ACER2: variants seen among roughly 807,000 people sequenced by gnomAD.
ACER2 encodes the protein alkaline ceramidase 2, also known as alkCDase 2.
In ACER2, 26 loss-of-function variants were observed where a neutral mutation model predicts 34.7. That is an observed-to-expected ratio of 0.75 (90% CI 0.55 to 1.04). The LOEUF is 1.04. ACER2 is among the 50% of genes least tolerant of loss of function. The pLI is 0.00. For missense variants in ACER2, 352 were observed against 340.8 expected (o/e 1.03, Z -0.26); for synonymous variants, 138 against 132.1 (o/e 1.04, Z -0.31).
At chr9:19,418,795 T>C (rs917933272) in intron 1 of ACER2, among the ~76,000 whole-genome samples, 4 of 152,124 alleles carry the variant, frequency 2.6e-5, no homozygotes, top group Non-Finnish European at 5.9e-5. Context: ...TATAGCTATG[T>C]AACAAACCTG....
intron 4 of ACER2, among the ~76,000 whole-genome samples, chr9:19,442,157 G>A (rs924880886): frequency 3.3e-5 from 5 of 152,100 alleles, no homozygotes; most frequent in East Asian, 3.8e-4. Flanking sequence ...GTACATTGCC[G>A]AGTAACTCAG....
chr9:19,426,320 CTTTT>C (rs200733418), intron 3 of ACER2, among the ~76,000 whole-genome samples: 4 of 140,900 alleles, frequency 2.8e-5, no homozygotes, highest in African/African-American at 1.1e-4. Flanking sequence ...TTCTTTCTTT[CTTTT>C]TCTTTCTTTC....
intron 3 of ACER2, among the ~76,000 whole-genome samples, chr9:19,427,778 T>C (rs886242027): frequency 6.6e-6 from 1 of 152,082 alleles, no homozygotes; most frequent in African/African-American, 2.4e-5. Context: ...GCCATTCTCC[T>C]GCCTCAGCCT....
In ACER2 at chr9:19,419,305, T is replaced by C. The variant is rs182280924; in HGVS notation, c.109-4557T>C. 1.1e-4 allele frequency among the ~76,000 whole-genome samples: 17 copies of C among 152,352 alleles called. 1 individual carries two copies. The East Asian group carries it at 1.9e-3, about 17-fold the overall frequency. Reference sequence around the variant, plus strand: ...GAAAATTGACCACATTTCTTTTCTTTTTCTTTTTTTCTTTTCATTGATCTA... The same window carrying C: ...GAAAATTGACCACATTTCTTTTCTTCTTCTTTTTTTCTTTTCATTGATCTA... On this transcript the variant is annotated intron_variant, in intron 1 of 5. Transcript: ENST00000340967.
chr9:19,430,215 C>T (rs1264038854), intron 3 of ACER2, among the ~76,000 whole-genome samples: 1 of 144,064 alleles, frequency 6.9e-6, no homozygotes, highest in Non-Finnish European at 1.5e-5. Context: ...AGGCTATAGG[C>T]TTGAAAACCA....
chr9:19,441,239 T>C (rs914473300), intron 4 of ACER2, among the ~76,000 whole-genome samples: 32 of 152,112 alleles, frequency 2.1e-4, no homozygotes, highest in Middle Eastern at 3.4e-3. Context: ...TTAGTAGAGA[T>C]GGGGTTTCAC....
chr9:19,409,156 C>T lies in ACER2; in HGVS notation c.72C>T (p.Tyr24=), dbSNP rs554276695. The T allele has an allele frequency of 6.2e-7, 1 of 1,606,096 alleles. No individual in the cohort carries two copies. The highest frequency in any genetic ancestry group is 8.5e-7 in the Non-Finnish European group (1 of 1,176,832). ...SSEVDWCEDN[Y]TIVPAIAEFY... is the part of the protein sequence containing the mutation. The stretch of plus-strand genomic sequence containing the variant: ...AGGTGGACTGGTGCGAGGACAACTA[C>T]ACCATCGTGCCTGCTATCGCCGAGT... The change falls in exon 1 of 6, where the codon TAC becomes TAT. Residue 24 remains tyrosine (Y), a synonymous_variant. Coordinates refer to ENST00000340967, the MANE Select transcript of ACER2 (RefSeq NM_001010887.3).
chr9:19,439,584 C>G (rs1261724248), intron 4 of ACER2, among the ~76,000 whole-genome samples: 1 of 152,194 alleles, frequency 6.6e-6, no homozygotes, highest in Non-Finnish European at 1.5e-5. Context: ...TGAGTCTCTA[C>G]TGCCTTCTCA....
At chr9:19,425,149 C>G (rs925656118) in intron 3 of ACER2, among the ~76,000 whole-genome samples, 4 of 152,312 alleles carry the variant, frequency 2.6e-5, no homozygotes, top group Middle Eastern at 3.4e-3. Context: ...TTACTGAATG[C>G]TTATTCAATA....
intron 3 of ACER2, among the ~76,000 whole-genome samples, chr9:19,425,400 A>C (rs1388481061): frequency 6.6e-6 from 1 of 152,224 alleles, no homozygotes; most frequent in Admixed American, 6.5e-5. Context: ...GAATTTCAGG[A>C]AGGGATGCAT....
chr9:19,438,453 C>T lies in ACER2; in HGVS notation c.503+3369C>T, dbSNP rs756343177. Reference sequence around the variant, plus strand: ...GATGTTAGTTGAAGTGACTTCTCTGCCGTGTTTGTGGACCTGGAGGGACTG... The same window carrying T: ...GATGTTAGTTGAAGTGACTTCTCTGTCGTGTTTGTGGACCTGGAGGGACTG... On this transcript the variant is annotated intron_variant, in intron 4 of 5. Coordinates refer to ENST00000340967, the MANE Select transcript of ACER2 (RefSeq NM_001010887.3). 2.7e-4 allele frequency among the ~76,000 whole-genome samples: 41 copies of T among 152,234 alleles called. 1 individual carries two copies. The highest frequency in any genetic ancestry group is 5.9e-5 in the Non-Finnish European group (4 of 68,038).
rs1027224751 is a variant in ACER2, at chr9:19,424,907, A to G, written c.365+66A>G. 4.2e-5 allele frequency: 66 copies of G among 1,579,068 alleles called. 1 individual carries two copies. The Middle Eastern group carries it at 8.4e-4, about 20-fold the overall frequency. On this transcript the variant is annotated intron_variant, in intron 3 of 5. Coordinates refer to ENST00000340967, the MANE Select transcript of ACER2 (RefSeq NM_001010887.3). ...CAGTACCCAATATAACAATGTATATATGAAGAAAAATAGCACATGATTGAA... is the reference window on the plus strand; with the variant it reads ...CAGTACCCAATATAACAATGTATATGTGAAGAAAAATAGCACATGATTGAA...
chr9:19,450,686 C>T lies in ACER2; in HGVS notation c.*50C>T, dbSNP rs777625523. 2.0e-6 allele frequency: 3 copies of T among 1,473,838 alleles called. No individual in the cohort carries two copies. The Admixed American group carries it at 5.7e-5, about 28-fold the overall frequency. The allele number at this position is 1,473,838 out of a possible 1,614,324, so 91.3% of individuals were successfully genotyped here. ...TGCTTATCGCCCCTCATGCAGTGGG[C>T]TTCCTTTGCTAGGAAGACAGCCAAG... On this transcript the variant is annotated 3_prime_UTR_variant, in exon 6 of 6. Transcript: ENST00000340967.
rs546969930 is a variant in ACER2, at chr9:19,423,224, A to G, written c.109-638A>G. Among the ~76,000 whole-genome samples the G allele has an allele frequency of 2.6e-5, 4 of 152,268 alleles. No homozygotes were observed. The South Asian group carries it at 6.2e-4, about 24-fold the overall frequency. On this transcript the variant is annotated intron_variant, in intron 1 of 5. Coordinates refer to ENST00000340967, the MANE Select transcript of ACER2 (RefSeq NM_001010887.3). ...AGAATGATTCATAATTAACCTTGCA[A>G]TAAGAATTACTGGTTAATTCTTATT...
At chr9:19,419,524 T>C (rs576532748) in intron 1 of ACER2, among the ~76,000 whole-genome samples, 108 of 152,204 alleles carry the variant, frequency 7.1e-4, no homozygotes, top group African/African-American at 2.6e-3. Context: ...CTGGCACTGT[T>C]AAAGATTGAG....
chr9:19,450,676 A>T lies in ACER2; in HGVS notation c.*40A>T, dbSNP rs765070241. The T allele has an allele frequency of 1.3e-6, 2 of 1,493,238 alleles. No homozygotes were observed. The highest frequency in any genetic ancestry group is 2.8e-5 in the South Asian group (2 of 71,910). The allele number at this position is 1,493,238 out of a possible 1,614,324, so 92.5% of individuals were successfully genotyped here. The stretch of plus-strand genomic sequence containing the variant: ...CTGGCTTCTCTGCTTATCGCCCCTC[A>T]TGCAGTGGGCTTCCTTTGCTAGGAA... On this transcript the variant is annotated 3_prime_UTR_variant, in exon 6 of 6. Coordinates refer to ENST00000340967, the MANE Select transcript of ACER2 (RefSeq NM_001010887.3).
chr9:19,419,099 G>A (rs753161179), intron 1 of ACER2, among the ~76,000 whole-genome samples: 1 of 152,112 alleles, frequency 6.6e-6, no homozygotes, highest in Non-Finnish European at 1.5e-5. Flanking sequence ...GCTGAGGCAG[G>A]AGAATTGCTT....
intron 4 of ACER2, among the ~76,000 whole-genome samples, chr9:19,436,573 T>C (rs201446116): frequency 6.6e-6 from 1 of 151,958 alleles, no homozygotes; most frequent in South Asian, 2.1e-4. Flanking sequence ...TTTTTTTAAA[T>C]AAAAATTAGC....
At chr9:19,429,683 C>A (rs2132491544) in intron 3 of ACER2, among the ~76,000 whole-genome samples, 1 of 152,276 alleles carries the variant, frequency 6.6e-6, no homozygotes, top group East Asian at 1.9e-4. Flanking sequence ...ATGATTTTAT[C>A]TTTAGATAAA....
Sources: gnomAD v4.1 joint callset for allele counts (sites outside exome capture counted in the v4.1 genomes callset) on GRCh38, gnomAD v4.1.1 for gene constraint, MANE v1.5 for transcripts, NCBI Gene and HGNC (gene_info 2026-07-23, HGNC 2026-07-21) for gene names.